Variants in BCOR observed in about 807,000 individuals in gnomAD.
BCOR encodes the protein BCL-6 corepressor.
A neutral mutation model predicts 86.7 loss-of-function variants in BCOR; 10 were observed. The observed-to-expected ratio is 0.12, with a 90% CI of 0.07 to 0.20. The LOEUF is 0.20. Among genes scored for constraint, BCOR ranks in the 10% least tolerant of loss-of-function variants. The pLI is 1.00. For missense variants in BCOR, 1,259 were observed against 1,452.1 expected (o/e 0.87, Z 2.16); for synonymous variants, 611 against 609.0 (o/e 1.00, Z -0.05).
chrX:40,124,214 G>A (rs968349029), intron 1 of BCOR, among the ~76,000 whole-genome samples: 2 of 111,118 alleles, frequency 1.8e-5, no homozygotes, highest in East Asian at 5.6e-4. Flanking sequence ...CAGGAGGATC[G>A]CTTGAGGTCA....
At chrX:40,054,072 A>G (rs1569140078) in intron 13 of BCOR, 30 bp from the exon 14 acceptor site, 1 of 1,202,117 alleles carries the variant, frequency 8.3e-7, no homozygotes, top group Non-Finnish European at 1.1e-6. Context: ...AGAGGAAGGA[A>G]TCAGTAAACT....
upstream of BCOR, among the ~76,000 whole-genome samples, chrX:40,102,619 C>G (rs1937093679): frequency 8.8e-6 from 1 of 113,862 alleles, no homozygotes; most frequent in Non-Finnish European, 1.9e-5. Flanking sequence ...AACTACTCGC[C>G]TTCGGACCCA....
Position 40,054,021 on chromosome X carries a change from T to A in BCOR, c.4841A>T (p.Tyr1614Phe). 1 of 1,211,636 alleles carries A rather than the reference T, an allele frequency of 8.3e-7. No homozygotes were observed. The highest frequency in any genetic ancestry group is 1.1e-6 in the Non-Finnish European group (1 of 895,337). Residue 1614 changes from tyrosine (Y) to phenylalanine (F), a missense_variant, in exon 14 of 15, where the codon TAT (tyrosine) becomes TTT (phenylalanine). By Grantham distance (22) the Tyr-to-Phe change is conservative. Coordinates refer to ENST00000378444, the MANE Select transcript of BCOR (RefSeq NM_001123385.2). ...TCCTGGGGGGTTGGCTAAAACATCA[T>A]AGCCACTTTCATCATCTGGTTCTAA... ...SVCEPDDESG[Y>F]DVLANPPGPE...
Position 40,062,969 on chromosome X carries a change from G to T in BCOR, c.3950C>A (p.Pro1317Gln), listed in dbSNP as rs780412607. The T allele has an allele frequency of 8.4e-7, 1 of 1,188,911 alleles. No individual in the cohort carries two copies. Among genetic ancestry groups the T allele is most frequent in the Non-Finnish European group, 1.1e-6 (1 of 883,228 alleles). ...TTTAATTTTCTGCTGTTTGGCAGGC[G>T]GCCTGGAGGCTGGTGCGCAGCTTGG... ...AQPSCAPASR[P>Q]PAKQQKIKEN... Residue 1317 changes from proline to glutamine, a missense_variant, in exon 9 of 15, where the codon CCG becomes CAG. Pro to Gln is a moderately conservative substitution (Grantham distance 76). Around this residue, in one of 7 missense-constraint regions of BCOR, gnomAD observed 305 missense variants for 286.1 expected, o/e 1.07. Transcript: ENST00000378444.
intron 1 of BCOR, among the ~76,000 whole-genome samples, chrX:40,139,367 AATATATATATATATATAATATATATACAT>A (rs1937759835): frequency 1.6e-4 from 8 of 50,582 alleles, no homozygotes; most frequent in African/African-American, 4.4e-4. Flanking sequence ...TAAAATTTAA[AATATATATATATATATAATATATATACAT>A]ATATATATAT....
intron 1 of BCOR, among the ~76,000 whole-genome samples, chrX:40,107,945 G>T (rs1937224418): frequency 8.8e-6 from 1 of 113,483 alleles, no homozygotes; most frequent in Admixed American, 9.2e-5. Flanking sequence ...TTCGATTGTC[G>T]GAGCGGTTTG....
At chrX:40,056,087 T>C (rs1934578135) in intron 11 of BCOR, among the ~76,000 whole-genome samples, 1 of 110,014 alleles carries the variant, frequency 9.1e-6, no homozygotes, top group African/African-American at 3.3e-5. Context: ...CCAAAAGTGC[T>C]GGGATTACAG....
rs563985595 is a variant in BCOR at position 40,175,287 on chromosome X, A to T, written c.-41+1720T>A. Among the ~76,000 whole-genome samples the T allele has an allele frequency of 9.7e-5, 11 of 113,427 alleles. No individual in the cohort carries two copies. In the South Asian group the frequency reaches 3.9e-3, roughly 40 times the overall value. ...AGGCCCCGGCTGGCCCCGCGCGCGT[A>T]AGCGCGGCACTCAGCAGCTCGACGC... On this transcript the variant is annotated intron_variant, in intron 1 of 14. Coordinates refer to the BCOR transcript ENST00000342274.
At chrX:40,172,481 G>A (rs1938647433) in intron 1 of BCOR, among the ~76,000 whole-genome samples, 1 of 113,503 alleles carries the variant, frequency 8.8e-6, no homozygotes, top group Non-Finnish European at 1.9e-5. Context: ...ACGGGCTTCC[G>A]AAGCGCCCGA....
rs1267497981 is a variant in BCOR at position 40,072,975 on chromosome X, A to T, written c.2371T>A (p.Trp791Arg). ...TDKNLKPNPNWNQGKTVVKSD... is the reference protein window; with the variant it reads ...TDKNLKPNPNRNQGKTVVKSD... Reference sequence around the variant, plus strand: ...TTGACAACAGTCTTCCCTTGATTCCAGTTGGGGTTCGGCTTTAGGTTCTTG... The same window carrying T: ...TTGACAACAGTCTTCCCTTGATTCCTGTTGGGGTTCGGCTTTAGGTTCTTG... The change falls in exon 4 of 15, where the codon TGG becomes AGG. Residue 791 changes from tryptophan to arginine, a missense_variant. Coordinates refer to ENST00000378444, the MANE Select transcript of BCOR (RefSeq NM_001123385.2). The T allele has an allele frequency of 8.3e-7, 1 of 1,211,072 alleles. No homozygotes were observed. The highest frequency in any genetic ancestry group is 2.2e-5 in the Admixed American group (1 of 46,017).
intron 6 of BCOR, among the ~76,000 whole-genome samples, chrX:40,070,599 T>A (rs1244280562): frequency 8.1e-5 from 9 of 111,486 alleles, no homozygotes; most frequent in Non-Finnish European, 1.7e-4. Flanking sequence ...CAACAACATC[T>A]ATGCCTTTGG....
chrX:40,064,072 G>C (rs1935051709), intron 7 of BCOR, 120 bp from the exon 8 acceptor site: 6 of 647,335 alleles, frequency 9.3e-6, no homozygotes, highest in Non-Finnish European at 1.4e-5. Context: ...CTTTTGGGAA[G>C]GGGCCTAATC....
intron 1 of BCOR, among the ~76,000 whole-genome samples, chrX:40,106,226 G>A (rs1021320029): frequency 9.0e-6 from 1 of 110,951 alleles, no homozygotes; most frequent in Admixed American, 9.3e-5. Flanking sequence ...GACTCTCCTG[G>A]CCCAGGGCCC....
At chrX:40,056,475 C>A (rs747528511) in intron 11 of BCOR, among the ~76,000 whole-genome samples, 14 of 110,927 alleles carry the variant, frequency 1.3e-4, no homozygotes, top group Non-Finnish European at 2.6e-4. Flanking sequence ...GATACAGAGG[C>A]CTCCTACCTG....
chrX:40,171,506 G>T (rs1328453094), intron 1 of BCOR, among the ~76,000 whole-genome samples: 1 of 109,317 alleles, frequency 9.1e-6, no homozygotes, highest in African/African-American at 3.4e-5. Context: ...TGGGGGGGGG[G>T]CGTAAGGAGA....
intron 6 of BCOR, among the ~76,000 whole-genome samples, chrX:40,070,411 T>C (rs1021726110): frequency 3.6e-5 from 4 of 111,744 alleles, no homozygotes; most frequent in African/African-American, 9.8e-5. Flanking sequence ...CTGAGGAAGA[T>C]ACTAGCCTTC....
At chrX:40,066,336 C>T (rs1009200018) in intron 6 of BCOR, among the ~76,000 whole-genome samples, 1 of 111,760 alleles carries the variant, frequency 8.9e-6, no homozygotes, top group Admixed American at 9.4e-5. Context: ...TCAGCTTGGC[C>T]TGGGGACGCA....
chrX:40,114,354 C>G (rs1196376847), intron 1 of BCOR, among the ~76,000 whole-genome samples: 1 of 111,256 alleles, frequency 9.0e-6, no homozygotes, highest in Non-Finnish European at 1.9e-5. Flanking sequence ...GTACAGGTCT[C>G]TGTCGGCTGG....
intron 1 of BCOR, among the ~76,000 whole-genome samples, chrX:40,168,510 T>C (rs1384232076): frequency 2.7e-5 from 3 of 112,943 alleles, no homozygotes; most frequent in Non-Finnish European, 5.6e-5. Context: ...GGTCTCCCAG[T>C]CCACAAGTGG....
Sources: gnomAD v4.1 joint callset for allele counts (sites outside exome capture counted in the v4.1 genomes callset) on GRCh38, gnomAD v4.1.1 for gene constraint, gnomAD v4.1.1 regional missense constraint, MANE v1.5 for transcripts, NCBI Gene and HGNC (gene_info 2026-07-23, HGNC 2026-07-21) for gene names.